EXOC4: variants seen among roughly 807,000 people sequenced by gnomAD.
The protein encoded by EXOC4 is exocyst complex component 4, also known as SEC8-like 1.
Under a neutral mutation model 107.2 loss-of-function variants are expected in EXOC4, and 71 were observed. The ratio of observed to expected loss-of-function variants is 0.66; its 90% CI spans 0.55 to 0.81. EXOC4 has a LOEUF of 0.81. Ranked by LOEUF, EXOC4 falls within the 30% of genes least tolerant of loss-of-function variation. The pLI is 0.00. For synonymous variants in EXOC4, 456 were observed against 441.2 expected (o/e 1.03, Z -0.42); for missense variants, 1,108 against 1,189.6 (o/e 0.93, Z 1.01).
chr7:133,915,321 G>A (rs1799783464), intron 12 of EXOC4, among the ~76,000 whole-genome samples: 1 of 152,118 alleles, frequency 6.6e-6, no homozygotes, highest in African/African-American at 2.4e-5. Flanking sequence ...AAAAATACAG[G>A]AAAAAGGGGA....
intron 10 of EXOC4, among the ~76,000 whole-genome samples, chr7:133,636,531 A>G (rs554184937): frequency 6.6e-5 from 10 of 152,340 alleles, no homozygotes; most frequent in South Asian, 2.1e-4. Flanking sequence ...CTTGGCATGC[A>G]TGAAGTAATA....
At chr7:133,848,259 G>A (rs762369578) in intron 11 of EXOC4, among the ~76,000 whole-genome samples, 30 of 152,310 alleles carry the variant, frequency 2.0e-4, no homozygotes, top group Non-Finnish European at 3.8e-4. Flanking sequence ...CAGGAAGAAT[G>A]CAGAGGAGAA....
chr7:134,075,423 C>A, the EXOC4 span, among the ~76,000 whole-genome samples: 3 of 152,150 alleles, frequency 2.0e-5, no homozygotes, highest in Admixed American at 6.5e-5. Context: ...AATGGACTCA[C>A]AGTTCCGCAT....
At chr7:133,828,449 T>C (rs377359584) in intron 11 of EXOC4, among the ~76,000 whole-genome samples, 1 of 152,200 alleles carries the variant, frequency 6.6e-6, no homozygotes, top group African/African-American at 2.4e-5. Flanking sequence ...TAGGAAATTT[T>C]TGAGGTTCTT....
At chr7:133,666,589 C>G (rs1793818801) in intron 10 of EXOC4, among the ~76,000 whole-genome samples, 1 of 152,158 alleles carries the variant, frequency 6.6e-6, no homozygotes, top group Non-Finnish European at 1.5e-5. Flanking sequence ...TTATAAGCAA[C>G]TAGAACCATT....
intron 2 of EXOC4, among the ~76,000 whole-genome samples, chr7:133,282,454 A>AGG (rs1563001409): frequency 6.6e-6 from 1 of 152,202 alleles, no homozygotes. Context: ...AGAGTAACAT[A>AGG]ATTTTTCAAT....
At chr7:133,593,557 C>T (rs1205606829) in intron 9 of EXOC4, among the ~76,000 whole-genome samples, 4 of 152,168 alleles carry the variant, frequency 2.6e-5, no homozygotes, top group African/African-American at 9.7e-5. Flanking sequence ...GTTCAGTTGT[C>T]AGATCTATAT....
At chr7:133,357,822 A>G (rs1408498314) in intron 6 of EXOC4, among the ~76,000 whole-genome samples, 1 of 152,142 alleles carries the variant, frequency 6.6e-6, no homozygotes, top group Non-Finnish European at 1.5e-5. Flanking sequence ...TTTCCTTGTA[A>G]ACTTGATTCA....
chr7:133,443,680 G>T (rs1798154836), intron 7 of EXOC4, among the ~76,000 whole-genome samples: 1 of 152,062 alleles, frequency 6.6e-6, no homozygotes, highest in Non-Finnish European at 1.5e-5. Context: ...TTTATCAAAG[G>T]TTCTCCCATT....
chr7:133,711,173 T>A (rs1794885380), intron 10 of EXOC4, among the ~76,000 whole-genome samples: 1 of 152,226 alleles, frequency 6.6e-6, no homozygotes, highest in Non-Finnish European at 1.5e-5. Context: ...AATGCTCAAT[T>A]ATTCACCCTA....
intron 5 of EXOC4, among the ~76,000 whole-genome samples, chr7:133,322,846 C>T (rs915978151): frequency 1.3e-5 from 2 of 152,168 alleles, no homozygotes; most frequent in African/African-American, 4.8e-5. Context: ...TCTTCCTATC[C>T]ATGAGCATGG....
chr7:133,273,508 C>T (rs1394396866), intron 1 of EXOC4, among the ~76,000 whole-genome samples: 1 of 152,132 alleles, frequency 6.6e-6, no homozygotes, highest in Non-Finnish European at 1.5e-5. Context: ...TTGCCCTTCC[C>T]TTCATTGCCT....
Position 133,475,406 on chromosome 7 carries a change from A to G in EXOC4, c.1261A>G (p.Thr421Ala), listed in dbSNP as rs772392618. ...EPSAQLSYASTGREFAAFFAK... is the reference protein window; with the variant it reads ...EPSAQLSYASAGREFAAFFAK... Reference sequence around the variant, plus strand: ...ATCAGCTCAACTAAGCTATGCCAGCACTGGACGAGAGTTTGCAGCCTTTTT... The same window carrying G: ...ATCAGCTCAACTAAGCTATGCCAGCGCTGGACGAGAGTTTGCAGCCTTTTT... Residue 421 changes from threonine to alanine, a missense_variant, in exon 8 of 18, where the codon ACT (threonine) becomes GCT (alanine). By Grantham distance (58) the Thr-to-Ala change is moderately conservative. Transcript: ENST00000253861. 9.9e-6 allele frequency: 16 copies of G among 1,614,140 alleles called. No homozygotes were observed. In the South Asian group the frequency reaches 1.8e-4, roughly 18 times the overall value.
intron 14 of EXOC4, among the ~76,000 whole-genome samples, chr7:133,971,461 A>G (rs1249378882): frequency 6.7e-6 from 1 of 149,816 alleles, no homozygotes; most frequent in Non-Finnish European, 1.5e-5. Context: ...TTATGAGAAT[A>G]TGTGAATATA....
At chr7:133,648,983 G>C (rs17167200) in intron 10 of EXOC4, among the ~76,000 whole-genome samples, 34,734 of 152,030 alleles carry the variant, frequency 0.23, 5,343 homozygotes, top group East Asian at 0.5. Context: ...TAATTTTGTC[G>C]ATGGTGGATT....
chr7:133,562,685 T>C (rs1399812582), intron 9 of EXOC4, among the ~76,000 whole-genome samples: 1 of 152,192 alleles, frequency 6.6e-6, no homozygotes, highest in African/African-American at 2.4e-5. Context: ...GAAAGAAAGA[T>C]TGAGGGCACT....
intron 9 of EXOC4, among the ~76,000 whole-genome samples, chr7:133,534,807 TGAA>T (rs1800243379): frequency 6.6e-6 from 1 of 152,178 alleles, no homozygotes; most frequent in Non-Finnish European, 1.5e-5. Flanking sequence ...CATATCCAGC[TGAA>T]GAACTGCTTG....
chr7:133,286,544 A>G (rs1275881270), intron 2 of EXOC4, among the ~76,000 whole-genome samples: 1 of 152,206 alleles, frequency 6.6e-6, no homozygotes, highest in African/African-American at 2.4e-5. Flanking sequence ...AGGCACTACA[A>G]ACCTGATTGG....
intron 17 of EXOC4, among the ~76,000 whole-genome samples, chr7:134,008,242 A>G (rs1794689294): frequency 6.6e-6 from 1 of 152,228 alleles, no homozygotes; most frequent in Admixed American, 6.5e-5. Flanking sequence ...GACTTTTCAC[A>G]CATATTCAAG....
Sources: allele counts gnomAD v4.1 joint callset (sites outside exome capture counted in the v4.1 genomes callset), GRCh38; gene constraint gnomAD v4.1.1; transcripts MANE v1.5; gene names NCBI Gene and HGNC (gene_info 2026-07-23, HGNC 2026-07-21).